INPP4B: variants seen among roughly 807,000 people sequenced by gnomAD.
INPP4B encodes the protein inositol polyphosphate 4-phosphatase type II.
INPP4B carries 55 observed loss-of-function variants against 122.5 expected under a neutral mutation model. That is an observed-to-expected ratio of 0.45 (90% CI 0.36 to 0.56). The LOEUF is 0.56. Ranked by LOEUF, INPP4B falls within the 20% of genes least tolerant of loss-of-function variation. INPP4B has a pLI of 0.00. For synonymous variants in INPP4B, 403 were observed against 388.7 expected (o/e 1.04, Z -0.43); for missense variants, 1,000 against 1,097.7 (o/e 0.91, Z 1.26).
chr4:142,228,161 G>C (rs970259499), intron 12 of INPP4B, among the ~76,000 whole-genome samples: 2 of 151,708 alleles, frequency 1.3e-5, no homozygotes, highest in East Asian at 1.9e-4. Flanking sequence ...CATTTAAACA[G>C]ACAGAATAGA....
intron 14 of INPP4B, among the ~76,000 whole-genome samples, chr4:142,193,657 T>C (rs1323831596): frequency 2.0e-5 from 3 of 152,286 alleles, no homozygotes; most frequent in East Asian, 3.9e-4. Context: ...TTAGTACTAG[T>C]GCATTTTAAA....
chr4:142,360,828 T>C (rs762630432), intron 7 of INPP4B, among the ~76,000 whole-genome samples: 1 of 151,942 alleles, frequency 6.6e-6, no homozygotes, highest in Non-Finnish European at 1.5e-5. Context: ...TAGATTCTAA[T>C]TGTCATACGA....
chr4:142,519,725 T>C (rs1033927800), intron 2 of INPP4B, among the ~76,000 whole-genome samples: 5 of 152,156 alleles, frequency 3.3e-5, no homozygotes, highest in Non-Finnish European at 5.9e-5. Context: ...TAATCTATTA[T>C]TCATTCCATC....
At chr4:142,042,955 T>C (rs1033392210) in intron 25 of INPP4B, among the ~76,000 whole-genome samples, 1 of 152,204 alleles carries the variant, frequency 6.6e-6, no homozygotes, top group South Asian at 2.1e-4. Context: ...GAGCGAACTA[T>C]GAACTGGCTC....
chr4:142,169,200 A>T (rs756533489), intron 16 of INPP4B, among the ~76,000 whole-genome samples: 2 of 151,526 alleles, frequency 1.3e-5, no homozygotes, highest in African/African-American at 2.4e-5. Flanking sequence ...CTCTTATTTC[A>T]CCAATTAAAT....
intron 7 of INPP4B, among the ~76,000 whole-genome samples, chr4:142,385,384 A>C (rs75399617): frequency 6.6e-6 from 1 of 151,714 alleles, no homozygotes; most frequent in Non-Finnish European, 1.5e-5. Context: ...AAAAAAAAAA[A>C]CCACTCTTGA....
chr4:142,106,434 C>T (rs149586713), intron 23 of INPP4B, among the ~76,000 whole-genome samples: 45 of 152,236 alleles, frequency 3.0e-4, no homozygotes, highest in African/African-American at 9.6e-4. Context: ...ACACATACCA[C>T]CATGCCCGGC....
At chr4:142,397,534 T>C (rs1799736482) in intron 7 of INPP4B, among the ~76,000 whole-genome samples, 1 of 152,100 alleles carries the variant, frequency 6.6e-6, no homozygotes, top group Non-Finnish European at 1.5e-5. Context: ...ATTGATCAAC[T>C]TGTAAGCTTC....
chr4:142,502,938 G>C (rs974079524), intron 2 of INPP4B, among the ~76,000 whole-genome samples: 2 of 152,120 alleles, frequency 1.3e-5, no homozygotes, highest in Non-Finnish European at 2.9e-5. Flanking sequence ...TGCCAGGCAA[G>C]TGGAACCCTA....
intron 2 of INPP4B, among the ~76,000 whole-genome samples, chr4:142,469,211 C>T (rs1003711243): frequency 2.0e-5 from 3 of 151,588 alleles, no homozygotes; most frequent in Admixed American, 2.0e-4. Context: ...GCAGCAATAG[C>T]TTTTCTATAT....
chr4:142,709,988 A>G (rs569109398), intron 2 of INPP4B, among the ~76,000 whole-genome samples: 2 of 152,270 alleles, frequency 1.3e-5, no homozygotes, highest in African/African-American at 4.8e-5. Context: ...ACTTAATACT[A>G]TTTGTTTATT....
intron 2 of INPP4B, among the ~76,000 whole-genome samples, chr4:142,482,176 G>A (rs1820643417): frequency 6.6e-6 from 1 of 152,014 alleles, no homozygotes; most frequent in African/African-American, 2.4e-5. Flanking sequence ...TATATATATT[G>A]CTAATAGAAC....
At chr4:142,382,201 T>C (rs752381902) in intron 7 of INPP4B, among the ~76,000 whole-genome samples, 1 of 152,184 alleles carries the variant, frequency 6.6e-6, no homozygotes, top group African/African-American at 2.4e-5. Context: ...TTATTGTATA[T>C]TGTTCAATAA....
At chr4:142,821,002 T>C (rs1207967828) in intron 1 of INPP4B, among the ~76,000 whole-genome samples, 2 of 152,180 alleles carry the variant, frequency 1.3e-5, no homozygotes, top group African/African-American at 2.4e-5. Flanking sequence ...TCATGATTTC[T>C]ATTACAACTT....
intron 2 of INPP4B, among the ~76,000 whole-genome samples, chr4:142,594,633 T>C (rs532524973): frequency 2.6e-5 from 4 of 152,102 alleles, no homozygotes; most frequent in African/African-American, 9.6e-5. Context: ...ATCAAACATT[T>C]AGATGTTATA....
rs990872205 is a variant in INPP4B, at chr4:142,532,878, C to T, written c.-190-70152G>A. Among the ~76,000 whole-genome samples, 5 of 152,158 alleles carry T rather than the reference C, an allele frequency of 3.3e-5. No individual in the cohort carries two copies. The East Asian group carries it at 7.7e-4, about 23-fold the overall frequency. The stretch of plus-strand genomic sequence containing the variant: ...CTTATTCAAAGTTCATTCATCTGCT[C>T]ACCTACTGCCTTGTGGACTTTTAGA... On this transcript the variant is annotated intron_variant, in intron 2 of 25. Transcript: ENST00000262992.
At position 142,658,245 on chromosome 4, in the gene INPP4B, A is replaced by T. The variant is rs1754511249; in HGVS notation, c.-191+67594T>A. ...AAAATGGTTTATAATAAGCTATAAA[A>T]CTGTAATAGGTGCTCTTAAATACAG... On this transcript the variant is annotated intron_variant, in intron 2 of 25. Transcript: ENST00000262992. Among the ~76,000 whole-genome samples, 3 of 152,300 alleles carry T rather than the reference A, an allele frequency of 2.0e-5. No homozygotes were observed. In the South Asian group the frequency reaches 6.2e-4, roughly 32 times the overall value.
intron 2 of INPP4B, among the ~76,000 whole-genome samples, chr4:142,653,224 G>A (rs1178011394): frequency 1.3e-5 from 2 of 152,044 alleles, no homozygotes; most frequent in Non-Finnish European, 1.5e-5. Flanking sequence ...AACTGAATTT[G>A]AGATGGATTA....
In INPP4B at chr4:142,262,976, T is replaced by G. The variant is rs556547643; in HGVS notation, c.616-2412A>C. 2.8e-3 allele frequency among the ~76,000 whole-genome samples: 432 copies of G among 152,320 alleles called. 2 individuals are homozygous for G. Among genetic ancestry groups the G allele is most frequent in the African/African-American group, 0.01 (422 of 41,564 alleles). ...ATTCCACTTACACTATTTTTGCTGG[T>G]ATCATCAGTAAGACATTTTCTTTCC... On this transcript the variant is annotated intron_variant, in intron 10 of 25. Coordinates refer to ENST00000262992, the MANE Select transcript of INPP4B (RefSeq NM_001101669.3).
Sources: allele counts gnomAD v4.1 joint callset (sites outside exome capture counted in the v4.1 genomes callset), GRCh38; gene constraint gnomAD v4.1.1; transcripts MANE v1.5; gene names NCBI Gene and HGNC (gene_info 2026-07-23, HGNC 2026-07-21).